The following PLCB1 variants were observed in gnomAD, a reference collection of about 807,000 sequenced individuals.
PLCB1 encodes phospholipase C beta 1.
In PLCB1, 46 loss-of-function variants were observed where a neutral mutation model predicts 161.8. That is an observed-to-expected ratio of 0.28 (90% CI 0.22 to 0.36). The LOEUF is 0.36. PLCB1 is among the 10% of genes least tolerant of loss of function. The pLI, the probability that PLCB1 is intolerant of heterozygous loss-of-function variation, is 1.00. For synonymous variants in PLCB1, 517 were observed against 503.7 expected (o/e 1.03, Z -0.35); for missense variants, 1,016 against 1,472.5 (o/e 0.69, Z 5.07).
At chr20:8,770,439 A>C (rs943085284) in intron 26 of PLCB1, among the ~76,000 whole-genome samples, 7 of 152,228 alleles carry the variant, frequency 4.6e-5, no homozygotes, top group South Asian at 2.1e-4. Context: ...TATGAACCCC[A>C]AAAATCTGAG....
intron 23 of PLCB1, among the ~76,000 whole-genome samples, chr20:8,748,412 A>G (rs985986489): frequency 3.3e-5 from 5 of 152,244 alleles, no homozygotes; most frequent in African/African-American, 9.6e-5. Flanking sequence ...AGAAAAGACC[A>G]TTCATTCACT....
intron 2 of PLCB1, among the ~76,000 whole-genome samples, chr20:8,182,989 GT>G (rs10542592): frequency 0.63 from 95,199 of 151,992 alleles, 31,355 homozygotes; most frequent in East Asian, 0.83. Context: ...AAAAAGAACT[GT>G]TTTTTTTGGT....
chr20:8,849,641 A>G (rs932213383), intron 31 of PLCB1, among the ~76,000 whole-genome samples: 5 of 151,330 alleles, frequency 3.3e-5, no homozygotes, highest in Admixed American at 1.3e-4. Flanking sequence ...ATGCCACTGC[A>G]CTCCAGCCTG....
intron 2 of PLCB1, among the ~76,000 whole-genome samples, chr20:8,336,507 T>A (rs1053628991): frequency 7.9e-5 from 12 of 152,092 alleles, no homozygotes; most frequent in Non-Finnish European, 1.5e-5. Context: ...GGCCAGCAGG[T>A]CTCCACATTT....
At chr20:8,753,063 C>A (rs1283003853) in intron 23 of PLCB1, among the ~76,000 whole-genome samples, 1 of 151,994 alleles carries the variant, frequency 6.6e-6, no homozygotes, top group African/African-American at 2.4e-5. Flanking sequence ...CTATTGTGAA[C>A]TGCACATGTG....
At position 8,743,796 on chromosome 20, in the gene PLCB1, TTATAA is replaced by T. The variant is rs770111012; in HGVS notation, c.2523+2226_2523+2230del. Among the ~76,000 whole-genome samples, 5 of 152,174 alleles carry T rather than the reference TTATAA, an allele frequency of 3.3e-5. No homozygotes were observed. In the East Asian group the frequency reaches 7.7e-4, roughly 23 times the overall value. On this transcript the variant is annotated intron_variant, in intron 23 of 31. Transcript: ENST00000338037. ...ATCTCTCATTCTGATATTTCTTCAG[TTATAA>T]TAGTGCTTTTTCTCTTTTCCATGGC... is the stretch of plus-strand genomic sequence containing the variant.
At chr20:8,369,030 G>T (rs1389116689) in intron 2 of PLCB1, among the ~76,000 whole-genome samples, 1 of 152,024 alleles carries the variant, frequency 6.6e-6, no homozygotes, top group East Asian at 1.9e-4. Context: ...ATCGAAACTG[G>T]GATCTTATCT....
chr20:8,708,606 C>A, intron 11 of PLCB1, 64 bp from the exon 12 acceptor site: 2 of 953,684 alleles, frequency 2.1e-6, no homozygotes, highest in South Asian at 2.7e-5. Context: ...AGATTTAATA[C>A]CTTTCAAGAA....
At chr20:8,203,974 T>C (rs980781630) in intron 2 of PLCB1, among the ~76,000 whole-genome samples, 1 of 152,146 alleles carries the variant, frequency 6.6e-6, no homozygotes, top group Non-Finnish European at 1.5e-5. Flanking sequence ...TCAACTTCCC[T>C]CTTGGTGCCT....
At chr20:8,763,466 AC>A (rs1982150973) in intron 25 of PLCB1, among the ~76,000 whole-genome samples, 3 of 151,836 alleles carry the variant, frequency 2.0e-5, no homozygotes, top group Non-Finnish European at 4.4e-5. Flanking sequence ...GCTCACTGCA[AC>A]CTCTGCTTCC....
At chr20:8,319,348 G>A (rs767735334) in intron 2 of PLCB1, among the ~76,000 whole-genome samples, 3 of 152,030 alleles carry the variant, frequency 2.0e-5, no homozygotes, top group African/African-American at 4.8e-5. Context: ...TATGTCTGGC[G>A]AGTAGCTGAC....
At chr20:8,849,267 G>A (rs3902336) in intron 31 of PLCB1, among the ~76,000 whole-genome samples, 49,122 of 152,072 alleles carry the variant, frequency 0.32, 8,876 homozygotes, top group East Asian at 0.63. Flanking sequence ...GCTGTCTTCT[G>A]TAATCATCCA....
intron 3 of PLCB1, among the ~76,000 whole-genome samples, chr20:8,381,177 C>A (rs1423911816): frequency 6.6e-6 from 1 of 152,122 alleles, no homozygotes; most frequent in African/African-American, 2.4e-5. Flanking sequence ...TATCAAAGGC[C>A]TTTTCTGCAT....
intron 3 of PLCB1, among the ~76,000 whole-genome samples, chr20:8,509,697 TAGAC>T (rs1349755403): frequency 2.6e-5 from 4 of 151,854 alleles, no homozygotes; most frequent in Non-Finnish European, 4.4e-5. Context: ...AACAGGTAGG[TAGAC>T]AGATGATTGA....
chr20:8,682,258 T>C (rs1394906632), intron 9 of PLCB1, among the ~76,000 whole-genome samples: 1 of 152,056 alleles, frequency 6.6e-6, no homozygotes, highest in Non-Finnish European at 1.5e-5. Flanking sequence ...CTCAGGACTT[T>C]GGGAGGCTGT....
At chr20:8,381,923 T>G (rs566387434) in intron 3 of PLCB1, among the ~76,000 whole-genome samples, 3 of 152,316 alleles carry the variant, frequency 2.0e-5, no homozygotes, top group Non-Finnish European at 1.5e-5. Context: ...ATTGATTTTT[T>G]TTGGAGGGTT....
chr20:8,625,558 C>T (rs1377289447), intron 3 of PLCB1, among the ~76,000 whole-genome samples: 1 of 152,106 alleles, frequency 6.6e-6, no homozygotes, highest in Non-Finnish European at 1.5e-5. Context: ...CAATGTGCTC[C>T]ATCACCGAAA....
At chr20:8,232,895 C>T (rs1311192627) in intron 2 of PLCB1, among the ~76,000 whole-genome samples, 2 of 152,122 alleles carry the variant, frequency 1.3e-5, no homozygotes, top group Non-Finnish European at 2.9e-5. Context: ...TAGCAGCTGG[C>T]GCTGGCATTG....
intron 3 of PLCB1, among the ~76,000 whole-genome samples, chr20:8,553,219 T>C (rs1399085869): frequency 1.3e-5 from 2 of 152,224 alleles, no homozygotes; most frequent in Non-Finnish European, 2.9e-5. Context: ...AGGCACACTC[T>C]TGCAAGTGTG....
Sources: allele counts gnomAD v4.1 joint callset (sites outside exome capture counted in the v4.1 genomes callset), GRCh38; gene constraint gnomAD v4.1.1; transcripts MANE v1.5; gene names NCBI Gene and HGNC (gene_info 2026-07-23, HGNC 2026-07-21).